NOTCH3: variants seen among roughly 807,000 people sequenced by gnomAD.
NOTCH3 encodes notch receptor 3, also known as neurogenic locus notch homolog protein 3.
NOTCH3 carries 86 observed loss-of-function variants against 213.3 expected under a neutral mutation model. That is an observed-to-expected ratio of 0.40 (90% CI 0.34 to 0.48). The LOEUF (loss-of-function observed/expected upper bound fraction) is 0.48, where lower values mean the gene tolerates loss of function less well. Among genes scored for constraint, NOTCH3 ranks in the 20% least tolerant of loss-of-function variants. The probability of loss-of-function intolerance (pLI) is 0.57; values close to 1 mark genes in which losing one functional copy is unlikely to be tolerated. For missense variants in NOTCH3, 2,783 were observed against 3,272.6 expected (o/e 0.85, Z 3.65); for synonymous variants, 1,354 against 1,355.9 (o/e 1.00, Z 0.03).
At position 15,185,573 on chromosome 19, in the gene NOTCH3, G is replaced by A. The variant is rs749870481; in HGVS notation, c.2058C>T (p.Gly686=). The A allele has an allele frequency of 1.9e-6, 3 of 1,612,302 alleles. No homozygotes were observed. The highest frequency in any genetic ancestry group is 1.6e-4 in the Middle Eastern group (1 of 6,064). ...ENGFRCLCPP[G]SLPPLCLPPS... ...GGGGGAGGCAGAGTGGGGGCAAGGAGCCAGGCGGGCAGAGGCAGCGGAAGC... is the reference window on the plus strand; with the variant it reads ...GGGGGAGGCAGAGTGGGGGCAAGGAACCAGGCGGGCAGAGGCAGCGGAAGC... Residue 686 remains glycine (G), a synonymous_variant, in exon 13 of 33, where the codon GGC becomes GGT. Coordinates refer to ENST00000263388, the MANE Select transcript of NOTCH3 (RefSeq NM_000435.3). This position sits in a 1 kb window ranked among gnomAD's most constrained non-coding sequence, Gnocchi z 4.2.
At chr19:15,175,590 T>TACACACAC (rs1555727085) in intron 24 of NOTCH3, among the ~76,000 whole-genome samples, 33 of 107,168 alleles carry the variant, frequency 3.1e-4, no homozygotes, top group African/African-American at 1.1e-3. Flanking sequence ...TATATGTATA[T>TACACACAC]ACACACACAC....
Position 15,161,396 on chromosome 19 carries a change from G to A in NOTCH3, c.6232C>T (p.Arg2078Trp), listed in dbSNP as rs1051094199. Residue 2078 changes from arginine to tryptophan, a missense_variant, in exon 33 of 33, where the codon CGG (arginine) becomes TGG (tryptophan). Arg to Trp is a moderately radical substitution (Grantham distance 101). This residue lies in a region of NOTCH3 where 441 missense variants were observed against 432.1 expected (regional missense o/e 1.02). Transcript: ENST00000263388. ...AGCGTCAGCTTCTTGCCCCGCCCCC[G>A]GGGCCCCTGCGGCCCCAGCCCCGCC... ...GKAGLGPQGPRGRGKKLTLAC... is the reference protein window; with the variant it reads ...GKAGLGPQGPWGRGKKLTLAC... 11 of 1,523,888 alleles carry A rather than the reference G, an allele frequency of 7.2e-6. No homozygotes were observed. The highest frequency in any genetic ancestry group is 1.9e-4 in the Middle Eastern group (1 of 5,134). The allele number at this position is 1,523,888 out of a possible 1,614,324, so 94.4% of individuals were successfully genotyped here.
rs1599382912 is a variant in NOTCH3, at chr19:15,181,178, T to G, written c.2793-16A>C. On this transcript the variant is annotated splice_polypyrimidine_tract_variant and intron_variant, in intron 17 of 32. Coordinates refer to ENST00000263388, the MANE Select transcript of NOTCH3 (RefSeq NM_000435.3). ...GAAGCAGGAGCTGGAGCGGAAGGAGTGGGAGGGAGGATCAGGCTCCGCCCC... is the reference window on the plus strand; with the variant it reads ...GAAGCAGGAGCTGGAGCGGAAGGAGGGGGAGGGAGGATCAGGCTCCGCCCC... The G allele has an allele frequency of 6.2e-7, 1 of 1,606,278 alleles. No homozygotes were observed. The highest frequency in any genetic ancestry group is 8.5e-7 in the Non-Finnish European group (1 of 1,176,916).
Position 15,180,170 on chromosome 19 carries a change from T to C in NOTCH3, c.3229A>G (p.Thr1077Ala). Residue 1077 changes from threonine to alanine, a missense_variant, in exon 20 of 33, where the codon ACT (threonine) becomes GCT (alanine). Coordinates refer to ENST00000263388, the MANE Select transcript of NOTCH3 (RefSeq NM_000435.3). ...SHYCVCPEGR[T>A]GSHCEQEVDP... ...ACCTCCTGCTCACAGTGGCTACCAG[T>C]ACGGCCCTCTGGGCACACGCAGTAG... is the stretch of plus-strand genomic sequence containing the variant. 3 of 1,613,716 alleles carry C rather than the reference T, an allele frequency of 1.9e-6. No individual in the cohort carries two copies. Among genetic ancestry groups the C allele is most frequent in the Non-Finnish European group, 2.5e-6 (3 of 1,179,924 alleles).
rs10417352 is a variant in NOTCH3, at chr19:15,167,081, T to G, written c.5362+168A>C. Among the ~76,000 whole-genome samples the G allele has an allele frequency of 0.11, 17,368 of 152,254 alleles. 3,031 individuals are homozygous for G. Among genetic ancestry groups the G allele is most frequent in the African/African-American group, 0.38 (15,763 of 41,490 alleles). ...AAATCCCTTGTTTTACTTAAGCTAG[T>G]CTGAGTTGGACCTTTGTCACTTCCA... On this transcript the variant is annotated intron_variant, in intron 29 of 32. Transcript: ENST00000263388.
chr19:15,179,280 C>A lies in NOTCH3; in HGVS notation c.3463G>T (p.Val1155Leu), dbSNP rs762281787. The change falls in exon 22 of 33, where the codon GTG becomes TTG. Residue 1155 changes from valine to leucine, a missense_variant and splice_region_variant. Coordinates refer to ENST00000263388, the MANE Select transcript of NOTCH3 (RefSeq NM_000435.3). ...LCSCPPGTLG[V>L]LCEINEDDCG... ...TCATCCTCATTAATCTCGCAGAGCACCCCTGGGGGAAGAAACGAGGGGTGG... is the reference window on the plus strand; with the variant it reads ...TCATCCTCATTAATCTCGCAGAGCAACCCTGGGGGAAGAAACGAGGGGTGG... The A allele has an allele frequency of 3.1e-6, 5 of 1,613,948 alleles. No individual in the cohort carries two copies. The highest frequency in any genetic ancestry group is 1.3e-5 in the African/African-American group (1 of 75,066).
rs757981410 is a variant in NOTCH3 at position 15,174,098 on chromosome 19, G to C, written c.4706C>G (p.Ala1569Gly). 2 of 1,592,056 alleles carry C rather than the reference G, an allele frequency of 1.3e-6. No individual in the cohort carries two copies. The highest frequency in any genetic ancestry group is 1.7e-6 in the Non-Finnish European group (2 of 1,165,302). Reference protein sequence around the residue: ...HRPSPGSEPRARRELAPEVIG... With the variant: ...HRPSPGSEPRGRRELAPEVIG... ...CACCTCGGGGGCCAGCTCCCGACGG[G>C]CCCGGGGTTCGGAGCCAGGACTAGG... Residue 1569 changes from alanine (A) to glycine (G), a missense_variant, in exon 25 of 33, where the codon GCC becomes GGC. This residue lies in a region of NOTCH3 where 636 missense variants were observed against 801.8 expected (regional missense o/e 0.79). Transcript: ENST00000263388.
intron 6 of NOTCH3, among the ~76,000 whole-genome samples, chr19:15,191,128 G>A (rs2046923516): frequency 6.6e-6 from 1 of 151,996 alleles, no homozygotes; most frequent in Non-Finnish European, 1.5e-5. Flanking sequence ...CCACCTCCTG[G>A]GTTCAAGCTA....
chr19:15,162,352 T>G, intron 32 of NOTCH3, 113 bp downstream of exon 32: 1 of 827,140 alleles, frequency 1.2e-6, no homozygotes, highest in Non-Finnish European at 2.0e-6. Context: ...AATCCAATGT[T>G]TGGGGTTTTA....
chr19:15,187,742 G>T, intron 10 of NOTCH3, 139 bp downstream of exon 10: 2 of 736,926 alleles, frequency 2.7e-6, no homozygotes, highest in Non-Finnish European at 4.8e-6. Flanking sequence ...ATGCATTATT[G>T]GCTCCACCCC....
chr19:15,187,546 T>C (rs1225050416), intron 10 of NOTCH3, among the ~76,000 whole-genome samples: 2 of 135,802 alleles, frequency 1.5e-5, no homozygotes, highest in Non-Finnish European at 3.0e-5. Context: ...GCCAAGACTC[T>C]CCCACAGTTA....
rs950672310 is a variant in NOTCH3, at chr19:15,165,087, G to A, written c.5815+281C>T. Among the ~76,000 whole-genome samples, 4 of 152,158 alleles carry A rather than the reference G, an allele frequency of 2.6e-5. No individual in the cohort carries two copies. The highest frequency in any genetic ancestry group is 1.9e-4 in the East Asian group (1 of 5,200). On this transcript the variant is annotated intron_variant, in intron 31 of 32. Coordinates refer to ENST00000263388, the MANE Select transcript of NOTCH3 (RefSeq NM_000435.3). This position sits in a 1 kb window ranked among gnomAD's most constrained non-coding sequence, Gnocchi z 4.7. ...CCACCACACATGGCCTGATGTGTACGTTTATTATAATAACTTCCAGCAGGT... is the reference window on the plus strand; with the variant it reads ...CCACCACACATGGCCTGATGTGTACATTTATTATAATAACTTCCAGCAGGT...
At chr19:15,189,237 T>A (rs1371377368) in intron 7 of NOTCH3, 36 bp downstream of exon 7, 8 of 1,613,702 alleles carry the variant, frequency 5.0e-6, no homozygotes, top group Non-Finnish European at 6.8e-6. Flanking sequence ...CTCCCCTCTT[T>A]CCCAGCCCAT....
chr19:15,177,399 A>G, intron 24 of NOTCH3, 126 bp downstream of exon 24: 2 of 812,102 alleles, frequency 2.5e-6, no homozygotes, highest in Non-Finnish European at 4.2e-6. Context: ...ACCGATGGGC[A>G]GATAGAGTGC....
At position 15,191,989 on chromosome 19, in the gene NOTCH3, T is replaced by C. The variant is rs746398806; in HGVS notation, c.650A>G (p.Asp217Gly). 1.5e-5 allele frequency: 25 copies of C among 1,613,252 alleles called. No individual in the cohort carries two copies. Among genetic ancestry groups the C allele is most frequent in the Non-Finnish European group, 1.9e-5 (23 of 1,180,018 alleles). ...RNGGTCRQSG[D>G]LTYDCACLPG... ...AAGACAGGCACAGTCGTAAGTGAGG[T>C]CGCCACTCTGCCTGCAGGTGCCCCC... The change falls in exon 4 of 33, where the codon GAC becomes GGC. Residue 217 changes from aspartate to glycine, a missense_variant. Physicochemically the swap from Asp to Gly is moderately conservative, Grantham distance 94. Transcript: ENST00000263388.
chr19:15,171,005 T>A (rs893312676), intron 25 of NOTCH3, among the ~76,000 whole-genome samples, 180 bp from the exon 26 acceptor site: 8 of 152,174 alleles, frequency 5.3e-5, no homozygotes, highest in African/African-American at 1.9e-4. Flanking sequence ...AAACGTGTCT[T>A]GCTGTGGTCA....
Position 15,185,203 on chromosome 19 carries a change from G to A in NOTCH3, c.2296+54C>T. 3 of 1,597,382 alleles carry A rather than the reference G, an allele frequency of 1.9e-6. No homozygotes were observed. The highest frequency in any genetic ancestry group is 2.6e-6 in the Non-Finnish European group (3 of 1,166,226). On this transcript the variant is annotated intron_variant, in intron 14 of 32. Transcript: ENST00000263388. The surrounding 1 kb of genome is among the most constrained non-coding windows in gnomAD (Gnocchi z 4.2). ...GGAGGAGAGAGTAGAGGAGAAGAGA[G>A]ATGAGAAGGCCCATGGTGTTGGTGG...
At chr19:15,199,984 G>A (rs2046998773) in intron 1 of NOTCH3, among the ~76,000 whole-genome samples, 1 of 151,920 alleles carries the variant, frequency 6.6e-6, no homozygotes, top group African/African-American at 2.4e-5. Context: ...AGGCCGGCCG[G>A]AGGGAGGGGG....
In NOTCH3 at chr19:15,185,478, G is replaced by A; in HGVS notation, c.2144+9C>T. On this transcript the variant is annotated intron_variant, in intron 13 of 32. Transcript: ENST00000263388. The surrounding 1 kb of genome is among the most constrained non-coding windows in gnomAD (Gnocchi z 4.2). Reference sequence around the variant, plus strand: ...GGGGGCAGTGTCTGAGGCTGAGAAGGGCCCTCACCCGCCAGGTGCATCATA... The same window carrying A: ...GGGGGCAGTGTCTGAGGCTGAGAAGAGCCCTCACCCGCCAGGTGCATCATA... The A allele has an allele frequency of 6.2e-7, 1 of 1,613,004 alleles. No homozygotes were observed. The highest frequency in any genetic ancestry group is 8.5e-7 in the Non-Finnish European group (1 of 1,179,504).
Sources: gnomAD v4.1 joint callset for allele counts (sites outside exome capture counted in the v4.1 genomes callset) on GRCh38, gnomAD v4.1.1 for gene constraint, gnomAD v4.1.1 regional missense constraint, Gnocchi (gnomAD v3.1) non-coding constraint, MANE v1.5 for transcripts, NCBI Gene and HGNC (gene_info 2026-07-23, HGNC 2026-07-21) for gene names.